PTPRD: variants seen among roughly 807,000 people sequenced by gnomAD.
PTPRD encodes the protein receptor-type tyrosine-protein phosphatase delta.
PTPRD carries 34 observed loss-of-function variants against 214.5 expected under a neutral mutation model. The ratio of observed to expected loss-of-function variants is 0.16; its 90% CI spans 0.12 to 0.21. The LOEUF (loss-of-function observed/expected upper bound fraction) is 0.21. PTPRD is among the 10% of genes least tolerant of loss of function. PTPRD has a pLI of 1.00. For synonymous variants in PTPRD, 1,128 were observed against 845.7 expected, an observed-to-expected ratio of 1.33 and a Z score of -5.79; for missense variants, 2,545 against 2,398.7, an observed-to-expected ratio of 1.06 and a Z score of -1.27.
At chr9:8,704,402 T>C (rs1428287795) in intron 12 of PTPRD, among the ~76,000 whole-genome samples, 1 of 151,636 alleles carries the variant, frequency 6.6e-6, no homozygotes, top group Non-Finnish European at 1.5e-5. Flanking sequence ...GGAAGGAGGA[T>C]GGGAAGAAGG....
At chr9:9,790,872 T>C (rs912237712) in intron 5 of PTPRD, among the ~76,000 whole-genome samples, 1 of 152,176 alleles carries the variant, frequency 6.6e-6, no homozygotes, top group African/African-American at 2.4e-5. Context: ...TCTACACTAA[T>C]ATACAAGTAC....
chr9:9,186,196 G>A (rs909877197), intron 9 of PTPRD, among the ~76,000 whole-genome samples: 5 of 152,124 alleles, frequency 3.3e-5, no homozygotes, highest in African/African-American at 1.2e-4. Context: ...AGACCCTAGT[G>A]CATGGAACAT....
intron 10 of PTPRD, among the ~76,000 whole-genome samples, chr9:9,101,013 T>A (rs1029689142): frequency 1.3e-5 from 2 of 152,038 alleles, no homozygotes; most frequent in African/African-American, 4.8e-5. Context: ...ACCTGATCAT[T>A]TGGAAAGAAT....
intron 42 of PTPRD, among the ~76,000 whole-genome samples, chr9:8,339,842 AAAC>A (rs1850764637): frequency 3.6e-5 from 5 of 140,218 alleles, no homozygotes; most frequent in African/African-American, 1.6e-4. Flanking sequence ...TTTCAAAAAA[AAAC>A]AAACCACTTT....
At chr9:9,873,925 T>C (rs932454705) in intron 5 of PTPRD, among the ~76,000 whole-genome samples, 1 of 152,034 alleles carries the variant, frequency 6.6e-6, no homozygotes, top group African/African-American at 2.4e-5. Context: ...ATAGCTGACG[T>C]GTATTGAAGT....
intron 9 of PTPRD, among the ~76,000 whole-genome samples, chr9:9,209,030 G>C (rs1262108464): frequency 1.3e-5 from 2 of 151,866 alleles, no homozygotes; most frequent in East Asian, 1.9e-4. Flanking sequence ...GGATGGTCTC[G>C]ATCTCCTGAC....
chr9:8,694,427 G>A (rs1298798981), intron 12 of PTPRD, among the ~76,000 whole-genome samples: 1 of 152,210 alleles, frequency 6.6e-6, no homozygotes, highest in East Asian at 1.9e-4. Flanking sequence ...ATAAAAGTCT[G>A]ATGGAAAACA....
intron 39 of PTPRD, among the ~76,000 whole-genome samples, chr9:8,363,110 T>C (rs1017403614): frequency 6.6e-6 from 1 of 152,218 alleles, no homozygotes; most frequent in African/African-American, 2.4e-5. Context: ...ATTCGTGGTC[T>C]CTGTTTGTCC....
At chr9:9,292,772 A>G (rs1471597873) in intron 9 of PTPRD, among the ~76,000 whole-genome samples, 1 of 151,336 alleles carries the variant, frequency 6.6e-6, no homozygotes, top group African/African-American at 2.4e-5. Context: ...TTGTTTTTGA[A>G]GATCTTGACA....
intron 2 of PTPRD, among the ~76,000 whole-genome samples, chr9:10,566,006 C>A (rs1480895902): frequency 6.6e-6 from 1 of 151,828 alleles, no homozygotes; most frequent in East Asian, 1.9e-4. Context: ...ATAAGGTTGT[C>A]TATTTTTGAG....
chr9:9,537,195 T>C (rs1206880789), intron 8 of PTPRD, among the ~76,000 whole-genome samples: 2 of 151,954 alleles, frequency 1.3e-5, no homozygotes, highest in African/African-American at 2.4e-5. Context: ...TGCTATTTCA[T>C]GAAATTCCTA....
intron 7 of PTPRD, among the ~76,000 whole-genome samples, chr9:9,728,949 C>T (rs1331564883): frequency 6.6e-6 from 1 of 151,742 alleles, no homozygotes; most frequent in Non-Finnish European, 1.5e-5. Flanking sequence ...ATTTTGGAGG[C>T]CTAAGTTGCC....
chr9:10,428,996 C>A (rs1005349627), intron 2 of PTPRD, among the ~76,000 whole-genome samples: 1 of 151,908 alleles, frequency 6.6e-6, no homozygotes, highest in Non-Finnish European at 1.5e-5. Context: ...GTGGCAATGT[C>A]TGGGGCATAG....
intron 5 of PTPRD, among the ~76,000 whole-genome samples, chr9:9,820,948 AT>A (rs1258683626): frequency 1.3e-5 from 2 of 151,814 alleles, no homozygotes; most frequent in Non-Finnish European, 2.9e-5. Flanking sequence ...TTTGTTCAGG[AT>A]TGCTTTGGCT....
At chr9:9,886,095 T>C (rs1362157399) in intron 5 of PTPRD, among the ~76,000 whole-genome samples, 1 of 151,936 alleles carries the variant, frequency 6.6e-6, no homozygotes, top group Non-Finnish European at 1.5e-5. Flanking sequence ...AGAATGTTTC[T>C]CATTTATACA....
intron 2 of PTPRD, among the ~76,000 whole-genome samples, chr9:10,611,488 C>T (rs7848409): frequency 0.96 from 146,313 of 152,304 alleles, 70,585 homozygotes; most frequent in East Asian, 1. Flanking sequence ...TGTTAGACTA[C>T]ATGTTTTTTA....
At chr9:9,722,520 C>A (rs931258560) in intron 7 of PTPRD, among the ~76,000 whole-genome samples, 1 of 151,884 alleles carries the variant, frequency 6.6e-6, no homozygotes, top group Admixed American at 6.6e-5. Flanking sequence ...GAATAATGTT[C>A]CTCGGAATTT....
At chr9:8,780,857 A>T (rs904720808) in intron 11 of PTPRD, among the ~76,000 whole-genome samples, 1 of 152,218 alleles carries the variant, frequency 6.6e-6, no homozygotes, top group Non-Finnish European at 1.5e-5. Context: ...TTGTATGTGT[A>T]TCAATTGTGG....
chr9:8,896,062 T>C (rs2098607699), intron 11 of PTPRD, among the ~76,000 whole-genome samples: 1 of 152,190 alleles, frequency 6.6e-6, no homozygotes, highest in Non-Finnish European at 1.5e-5. Context: ...CTATCTTTTT[T>C]CAGTCCAACT....
Sources: gnomAD v4.1 joint callset for allele counts (sites outside exome capture counted in the v4.1 genomes callset) on GRCh38, gnomAD v4.1.1 for gene constraint, MANE v1.5 for transcripts, NCBI Gene and HGNC (gene_info 2026-07-23, HGNC 2026-07-21) for gene names.